JAKMIP1: variants seen among roughly 807,000 people sequenced by gnomAD.
JAKMIP1 encodes the protein janus kinase and microtubule interacting protein 1, also known as janus kinase and microtubule-interacting protein 1.
A neutral mutation model predicts 113.0 loss-of-function variants in JAKMIP1; 33 were observed. That is an observed-to-expected ratio of 0.29 (90% CI 0.22 to 0.39). The LOEUF (loss-of-function observed/expected upper bound fraction) is 0.39, where lower values mean the gene tolerates loss of function less well. JAKMIP1 is among the 10% of genes least tolerant of loss of function. The probability of loss-of-function intolerance (pLI) is 1.00; values close to 1 mark genes in which losing one functional copy is unlikely to be tolerated. For missense variants in JAKMIP1, 813 were observed against 1,080.5 expected (o/e 0.75, Z 3.47); for synonymous variants, 480 against 459.9 (o/e 1.04, Z -0.56).
rs951159547 is a variant in JAKMIP1 at position 6,192,492 on chromosome 4, T to C, written c.-148+7761A>G. On this transcript the variant is annotated intron_variant, in intron 1 of 20. Coordinates refer to ENST00000409021, the MANE Select transcript of JAKMIP1 (RefSeq NM_001099433.2). The surrounding 1 kb of genome is among the most constrained non-coding windows in gnomAD (Gnocchi z 5.0). ...GCACGCAGACGCCACTGAGCCTGTT[T>C]TGGTTTTGGTCTACATCCAAAACCA... 5.3e-5 allele frequency among the ~76,000 whole-genome samples: 8 copies of C among 152,228 alleles called. No homozygotes were observed. The highest frequency in any genetic ancestry group is 1.9e-4 in the African/African-American group (8 of 41,464).
rs900886696 is a variant in JAKMIP1 at position 6,193,057 on chromosome 4, C to T, written c.-148+7196G>A. Among the ~76,000 whole-genome samples the T allele has an allele frequency of 3.3e-5, 5 of 152,144 alleles. No individual in the cohort carries two copies. The highest frequency in any genetic ancestry group is 1.2e-4 in the African/African-American group (5 of 41,422). ...TGGGCACCATCTAATCGGCTGCCAG[C>T]GTGGCTAGAATAAAGCAGGCAGGAG... On this transcript the variant is annotated intron_variant, in intron 1 of 20. Coordinates refer to ENST00000409021, the MANE Select transcript of JAKMIP1 (RefSeq NM_001099433.2). This position sits in a 1 kb window ranked among gnomAD's most constrained non-coding sequence, Gnocchi z 6.4.
At chr4:6,144,848 T>C (rs966582888) in intron 1 of JAKMIP1, among the ~76,000 whole-genome samples, 1 of 152,206 alleles carries the variant, frequency 6.6e-6, no homozygotes, top group Non-Finnish European at 1.5e-5. Context: ...TTGTCAATTC[T>C]ATTCAACATT....
intron 1 of JAKMIP1, among the ~76,000 whole-genome samples, chr4:6,196,544 C>T (rs1262244366): frequency 2.6e-5 from 4 of 152,216 alleles, no homozygotes; most frequent in East Asian, 1.9e-4. Flanking sequence ...ATGACGGTGA[C>T]GTGCTTCCAT....
rs933446013 is a variant in JAKMIP1, at chr4:6,142,414, G to A, written c.-147-29417C>T. Among the ~76,000 whole-genome samples the A allele has an allele frequency of 6.6e-5, 10 of 152,186 alleles. No individual in the cohort carries two copies. Among genetic ancestry groups the A allele is most frequent in the African/African-American group, 2.4e-4 (10 of 41,438 alleles). On this transcript the variant is annotated intron_variant, in intron 1 of 20. Coordinates refer to ENST00000409021, the MANE Select transcript of JAKMIP1 (RefSeq NM_001099433.2). The surrounding 1 kb of genome is among the most constrained non-coding windows in gnomAD (Gnocchi z 5.5). ...TTCCCGAGTCCAGTGTTTTTTAAAC[G>A]ACTGGTTTTTGCACCTCCAGCCAAA...
At chr4:6,172,306 C>T (rs762120559) in intron 1 of JAKMIP1, among the ~76,000 whole-genome samples, 1 of 152,200 alleles carries the variant, frequency 6.6e-6, no homozygotes, top group African/African-American at 2.4e-5. Context: ...TGGCAGTGAC[C>T]TGGTCCCCTG....
intron 3 of JAKMIP1, among the ~76,000 whole-genome samples, chr4:6,102,511 G>A (rs956241358): frequency 2.0e-5 from 3 of 152,054 alleles, no homozygotes; most frequent in Non-Finnish European, 4.4e-5. Context: ...CTTAGAAGCA[G>A]AAACTGGACC....
chr4:6,087,805 G>A (rs557774096), intron 3 of JAKMIP1, among the ~76,000 whole-genome samples: 2 of 152,138 alleles, frequency 1.3e-5, no homozygotes, highest in Non-Finnish European at 2.9e-5. Flanking sequence ...GTTTCCATCT[G>A]CCAGGATGAT....
In JAKMIP1 at chr4:6,137,295, A is replaced by T. The variant is rs571579564; in HGVS notation, c.-147-24298T>A. 6.6e-6 allele frequency among the ~76,000 whole-genome samples: 1 copy of T among 152,314 alleles called. No homozygotes were observed. Among genetic ancestry groups the T allele is most frequent in the Admixed American group, 6.5e-5 (1 of 15,302 alleles). ...GGCTCACCAGGGCCCACTGAGCCAC[A>T]GCAGCCACAGTGGCTGCAAGACGGC... On this transcript the variant is annotated intron_variant, in intron 1 of 20. Transcript: ENST00000409021. The surrounding 1 kb of genome is among the most constrained non-coding windows in gnomAD (Gnocchi z 4.5).
chr4:6,176,419 C>A lies in JAKMIP1; in HGVS notation c.-148+23834G>T, dbSNP rs1277439358. 6.6e-6 allele frequency among the ~76,000 whole-genome samples: 1 copy of A among 152,186 alleles called. No homozygotes were observed. Among genetic ancestry groups the A allele is most frequent in the Admixed American group, 6.5e-5 (1 of 15,286 alleles). Reference sequence around the variant, plus strand: ...AAACCAGATAGGACCTCCAGCCTAGCTGAACGGGACCAAGGAAGGATTTCC... The same window carrying A: ...AAACCAGATAGGACCTCCAGCCTAGATGAACGGGACCAAGGAAGGATTTCC... On this transcript the variant is annotated intron_variant, in intron 1 of 20. Transcript: ENST00000409021. The surrounding 1 kb of genome is among the most constrained non-coding windows in gnomAD (Gnocchi z 5.5).
Position 6,040,902 on chromosome 4 carries a change from A to G in JAKMIP1, c.2098-186T>C, listed in dbSNP as rs1578063093. Among the ~76,000 whole-genome samples, 1 of 152,082 alleles carries G rather than the reference A, an allele frequency of 6.6e-6. No individual in the cohort carries two copies. The highest frequency in any genetic ancestry group is 1.5e-5 in the Non-Finnish European group (1 of 68,020). ...AGCAGGAGCCTCACTGACCTGGGGC[A>G]CCCTTGACAGCCACACCTGGATCCT... On this transcript the variant is annotated intron_variant, in intron 17 of 20. Coordinates refer to ENST00000409021, the MANE Select transcript of JAKMIP1 (RefSeq NM_001099433.2). The surrounding 1 kb of genome is among the most constrained non-coding windows in gnomAD (Gnocchi z 5.8).
At chr4:6,046,606 A>C (rs1715031609) in intron 16 of JAKMIP1, among the ~76,000 whole-genome samples, 1 of 151,246 alleles carries the variant, frequency 6.6e-6, no homozygotes. Context: ...GCAGGGTGCA[A>C]GCGGGGAGGT....
At position 6,137,611 on chromosome 4, in the gene JAKMIP1, T is replaced by C. The variant is rs999599787; in HGVS notation, c.-147-24614A>G. Among the ~76,000 whole-genome samples the C allele has an allele frequency of 6.6e-6, 1 of 152,184 alleles. No individual in the cohort carries two copies. The highest frequency in any genetic ancestry group is 1.5e-5 in the Non-Finnish European group (1 of 68,038). On this transcript the variant is annotated intron_variant, in intron 1 of 20. Transcript: ENST00000409021. This position sits in a 1 kb window ranked among gnomAD's most constrained non-coding sequence, Gnocchi z 4.5. ...AGCCAATCCACACTCTCTCCGCACC[T>C]GGAGGCAATGACCCCCACAGGGGAC...
chr4:6,112,551 C>A (rs887867082), intron 2 of JAKMIP1, among the ~76,000 whole-genome samples, 171 bp downstream of exon 2: 30 of 152,216 alleles, frequency 2.0e-4, no homozygotes, highest in Admixed American at 1.8e-3. Context: ...GGCCCAGACT[C>A]CTGCCCAGCA....
At chr4:6,101,293 T>G (rs1240435462) in intron 3 of JAKMIP1, among the ~76,000 whole-genome samples, 1 of 150,970 alleles carries the variant, frequency 6.6e-6, no homozygotes, top group Non-Finnish European at 1.5e-5. Flanking sequence ...GTATTTCCTG[T>G]TTTTTTTTCT....
At chr4:6,128,391 G>A (rs1056289614) in intron 1 of JAKMIP1, among the ~76,000 whole-genome samples, 3 of 152,184 alleles carry the variant, frequency 2.0e-5, no homozygotes. Context: ...AAGGCCACCT[G>A]CTTCCGTAGC....
rs192930800 is a variant in JAKMIP1, at chr4:6,180,719, A to C, written c.-148+19534T>G. On this transcript the variant is annotated intron_variant, in intron 1 of 20. Coordinates refer to ENST00000409021, the MANE Select transcript of JAKMIP1 (RefSeq NM_001099433.2). The surrounding 1 kb of genome is among the most constrained non-coding windows in gnomAD (Gnocchi z 4.5). The stretch of plus-strand genomic sequence containing the variant: ...CTTTGACCAACATGACCCAATTAGC[A>C]AGTGGGGGTGGAGGTTGTAGCAAGT... Among the ~76,000 whole-genome samples the C allele has an allele frequency of 1.4e-4, 21 of 152,242 alleles. No homozygotes were observed. Among genetic ancestry groups the C allele is most frequent in the African/African-American group, 5.1e-4 (21 of 41,534 alleles).
chr4:6,040,198 C>G lies in JAKMIP1; in HGVS notation c.2175+441G>C, dbSNP rs1486758167. ...ATTTTGCAACCCAAATGCAGTATTA[C>G]ATCCGACCTTATACCTCGTCCCTTC... On this transcript the variant is annotated intron_variant, in intron 18 of 20. Coordinates refer to ENST00000409021, the MANE Select transcript of JAKMIP1 (RefSeq NM_001099433.2). This position sits in a 1 kb window ranked among gnomAD's most constrained non-coding sequence, Gnocchi z 5.8. Among the ~76,000 whole-genome samples the G allele has an allele frequency of 2.0e-5, 3 of 152,252 alleles. No homozygotes were observed. The highest frequency in any genetic ancestry group is 7.2e-5 in the African/African-American group (3 of 41,468).
intron 20 of JAKMIP1, among the ~76,000 whole-genome samples, chr4:6,026,556 G>A (rs558704339): frequency 9.9e-5 from 15 of 152,090 alleles, no homozygotes; most frequent in Admixed American, 3.9e-4. Context: ...TCTGGACCGG[G>A]ACAGGACTTT....
Position 6,140,937 on chromosome 4 carries a change from C to A in JAKMIP1, c.-147-27940G>T, listed in dbSNP as rs1398510467. Among the ~76,000 whole-genome samples the A allele has an allele frequency of 6.6e-6, 1 of 152,134 alleles. No homozygotes were observed. The highest frequency in any genetic ancestry group is 1.5e-5 in the Non-Finnish European group (1 of 68,036). The stretch of plus-strand genomic sequence containing the variant: ...ATCCCTCTCTTTACAAAATCAGAAG[C>A]TGAGGTCCAAAGAGGGAAAATCACT... On this transcript the variant is annotated intron_variant, in intron 1 of 20. Coordinates refer to ENST00000409021, the MANE Select transcript of JAKMIP1 (RefSeq NM_001099433.2). This position sits in a 1 kb window ranked among gnomAD's most constrained non-coding sequence, Gnocchi z 9.4.
Sources: gnomAD v4.1 joint callset for allele counts (sites outside exome capture counted in the v4.1 genomes callset) on GRCh38, gnomAD v4.1.1 for gene constraint, Gnocchi (gnomAD v3.1) non-coding constraint, MANE v1.5 for transcripts, NCBI Gene and HGNC (gene_info 2026-07-23, HGNC 2026-07-21) for gene names.